Variants in ARHGAP10 observed in about 807,000 individuals in gnomAD.
ARHGAP10 encodes rho GTPase-activating protein 10.
ARHGAP10 carries 87 observed loss-of-function variants against 108.6 expected under a neutral mutation model. The ratio of observed to expected loss-of-function variants is 0.80; its 90% CI spans 0.67 to 0.96. The LOEUF is 0.96. Among genes scored for constraint, ARHGAP10 ranks in the 40% least tolerant of loss-of-function variants. The probability of loss-of-function intolerance (pLI) is 0.00; values close to 1 mark genes in which losing one functional copy is unlikely to be tolerated. For missense variants in ARHGAP10, 939 were observed against 954.5 expected (o/e 0.98, Z 0.21); for synonymous variants, 347 against 341.1 (o/e 1.02, Z -0.19).
chr4:147,990,996 C>G (rs1224077993), intron 18 of ARHGAP10, among the ~76,000 whole-genome samples: 8 of 151,932 alleles, frequency 5.3e-5, no homozygotes, highest in Non-Finnish European at 1.5e-5. Flanking sequence ...GCCTGAGTGA[C>G]AGAGAGAGAC....
intron 6 of ARHGAP10, chr4:147,865,331 T>C (rs1354619721): frequency 1.9e-5 from 3 of 158,770 alleles, no homozygotes; most frequent in Non-Finnish European, 4.1e-5. Flanking sequence ...CTTTAAACAA[T>C]CGTTTGTAAC....
intron 19 of ARHGAP10, among the ~76,000 whole-genome samples, chr4:148,023,903 C>A (rs898361089): frequency 6.6e-6 from 1 of 152,216 alleles, no homozygotes; most frequent in Non-Finnish European, 1.5e-5. Context: ...GGCAGGTTGA[C>A]CTGCCTACCT....
chr4:148,026,402 A>G (rs1727842683), intron 19 of ARHGAP10, among the ~76,000 whole-genome samples: 1 of 152,192 alleles, frequency 6.6e-6, no homozygotes, highest in Non-Finnish European at 1.5e-5. Flanking sequence ...TGTTATGTTC[A>G]TTCAACCTCA....
rs115527976 is a variant in ARHGAP10 at position 148,020,763 on chromosome 4, G to A, written c.1717-2500G>A. On this transcript the variant is annotated intron_variant, in intron 18 of 22. Transcript: ENST00000336498. ...AATGCTGCAGCAAACATACTCGTGC[G>A]TGTATCTTTATAACAGAATGATTTG... Among the ~76,000 whole-genome samples the A allele has an allele frequency of 8.1e-3, 1,236 of 152,192 alleles. 16 individuals are homozygous for A. The highest frequency in any genetic ancestry group is 0.031 in the Admixed American group (481 of 15,286).
chr4:147,982,376 T>C (rs891371590), intron 18 of ARHGAP10, among the ~76,000 whole-genome samples: 13 of 148,892 alleles, frequency 8.7e-5, no homozygotes, highest in Non-Finnish European at 1.9e-4. Flanking sequence ...TTTTTTTTTT[T>C]TTTTTCTTTT....
chr4:148,030,556 A>G lies in ARHGAP10; in HGVS notation c.1867+7143A>G, dbSNP rs528899501. Among the ~76,000 whole-genome samples, 7 of 152,290 alleles carry G rather than the reference A, an allele frequency of 4.6e-5. No individual in the cohort carries two copies. In the East Asian group the frequency reaches 1.2e-3, roughly 25 times the overall value. ...TGACTTCTGTTGCTCTGAAAACTCT[A>G]TGGCCCATGATTAAAATGACCATGA... On this transcript the variant is annotated intron_variant, in intron 19 of 22. Transcript: ENST00000336498.
In ARHGAP10 at chr4:147,961,289, C is replaced by T. The variant is rs191854093; in HGVS notation, c.1451-3735C>T. ...ATTGTGTTGTTAACTTCTGTTTCAC[C>T]GATATAGGTTTATTCTGTTTTCATA... On this transcript the variant is annotated intron_variant, in intron 16 of 22. Coordinates refer to ENST00000336498, the MANE Select transcript of ARHGAP10 (RefSeq NM_024605.4). Among the ~76,000 whole-genome samples the T allele has an allele frequency of 1.6e-3, 247 of 152,210 alleles. 1 individual carries two copies. The highest frequency in any genetic ancestry group is 5.6e-3 in the African/African-American group (231 of 41,518).
intron 1 of ARHGAP10, among the ~76,000 whole-genome samples, chr4:147,792,161 G>A (rs1321245522): frequency 6.6e-6 from 1 of 152,168 alleles, no homozygotes; most frequent in African/African-American, 2.4e-5. Context: ...CATTGTACTG[G>A]TGATTTTGTT....
intron 3 of ARHGAP10, among the ~76,000 whole-genome samples, chr4:147,831,754 G>A (rs1432333101): frequency 6.6e-6 from 1 of 152,172 alleles, no homozygotes; most frequent in East Asian, 1.9e-4. Flanking sequence ...TTTCAGGAAT[G>A]TACCGTTTGA....
intron 18 of ARHGAP10, among the ~76,000 whole-genome samples, chr4:147,978,184 A>G (rs781684807): frequency 6.6e-6 from 1 of 152,104 alleles, no homozygotes; most frequent in Non-Finnish European, 1.5e-5. Flanking sequence ...TTTTGGATAT[A>G]TACCCAGTAA....
chr4:147,857,554 A>G lies in ARHGAP10; in HGVS notation c.386A>G (p.Glu129Gly), dbSNP rs756516366. The change falls in exon 5 of 23, where the codon GAA becomes GGA. Residue 129 changes from glutamate to glycine, a missense_variant and splice_region_variant. Physicochemically the swap from Glu to Gly is moderately conservative, Grantham distance 98. Coordinates refer to ENST00000336498, the MANE Select transcript of ARHGAP10 (RefSeq NM_024605.4). Reference sequence around the variant, plus strand: ...TCATAGTTTTTTTTTTATTTGTAGGAAGAAAAAAAGAAGTTTGACAAAGAG... The same window carrying G: ...TCATAGTTTTTTTTTTATTTGTAGGGAGAAAAAAAGAAGTTTGACAAAGAG... Reference protein sequence around the residue: ...FRKEQLGAVKEEKKKFDKETE... With the variant: ...FRKEQLGAVKGEKKKFDKETE... 2 of 1,461,402 alleles carry G rather than the reference A, an allele frequency of 1.4e-6. No individual in the cohort carries two copies. The highest frequency in any genetic ancestry group is 5.6e-5 in the Admixed American group (2 of 35,900). 90.5% of individuals were successfully genotyped at this position (1,461,402 alleles called of 1,614,324 possible). A position where few individuals can be genotyped will look rare whatever the true frequency, so the allele number is the denominator to read the frequency against.
At chr4:147,784,840 T>C (rs1481344280) in intron 1 of ARHGAP10, among the ~76,000 whole-genome samples, 11 of 101,136 alleles carry the variant, frequency 1.1e-4, no homozygotes, top group African/African-American at 4.5e-4. Context: ...AAATATATTA[T>C]AAAATATATA....
intron 18 of ARHGAP10, among the ~76,000 whole-genome samples, chr4:148,011,078 A>G (rs899992193): frequency 6.6e-6 from 1 of 152,198 alleles, no homozygotes; most frequent in African/African-American, 2.4e-5. Context: ...TTCAAGTTAC[A>G]TATTTTTGGG....
intron 18 of ARHGAP10, among the ~76,000 whole-genome samples, chr4:147,971,443 A>G (rs1384292615): frequency 6.6e-6 from 1 of 152,218 alleles, no homozygotes. Context: ...AGAGAGAGAC[A>G]GAGAGAGAAT....
At position 147,853,160 on chromosome 4, in the gene ARHGAP10, G is replaced by A. The variant is rs181532160; in HGVS notation, c.385-4393G>A. Among the ~76,000 whole-genome samples the A allele has an allele frequency of 1.2e-3, 187 of 152,266 alleles. 2 individuals carry two copies. The highest frequency in any genetic ancestry group is 4.4e-3 in the African/African-American group (182 of 41,550). ...TTGGACAGGGCATGATCCCACACTC[G>A]CTCACACAGTACTATTTAGACATGC... On this transcript the variant is annotated intron_variant, in intron 4 of 22. Transcript: ENST00000336498.
chr4:147,874,499 C>G (rs1734981617), intron 7 of ARHGAP10, among the ~76,000 whole-genome samples: 1 of 152,084 alleles, frequency 6.6e-6, no homozygotes, highest in South Asian at 2.1e-4. Context: ...ATGTCATTTT[C>G]AAGTGCAATT....
At chr4:147,785,949 C>T (rs1730874483) in intron 1 of ARHGAP10, among the ~76,000 whole-genome samples, 1 of 152,252 alleles carries the variant, frequency 6.6e-6, no homozygotes, top group Admixed American at 6.5e-5. Context: ...TAGTGAAAAA[C>T]TGAGTGTATT....
At chr4:147,918,396 A>G (rs886100941) in intron 13 of ARHGAP10, among the ~76,000 whole-genome samples, 1 of 152,112 alleles carries the variant, frequency 6.6e-6, no homozygotes, top group African/African-American at 2.4e-5. Context: ...CGGCCTCCCA[A>G]AGTGCTGTGA....
chr4:147,807,625 C>A (rs1731843808), intron 1 of ARHGAP10, among the ~76,000 whole-genome samples: 1 of 151,358 alleles, frequency 6.6e-6, no homozygotes, highest in African/African-American at 2.4e-5. Context: ...AAAAAAAGGC[C>A]ATAAAGAGGA....
Sources: allele counts gnomAD v4.1 joint callset (sites outside exome capture counted in the v4.1 genomes callset), GRCh38; gene constraint gnomAD v4.1.1; transcripts MANE v1.5; gene names NCBI Gene and HGNC (gene_info 2026-07-23, HGNC 2026-07-21).